VWA2: variants seen among roughly 807,000 people sequenced by gnomAD.
VWA2 encodes the protein von Willebrand factor A domain-containing protein 2.
In VWA2, 73 loss-of-function variants were observed where a neutral mutation model predicts 70.4. That is an observed-to-expected ratio of 1.04 (90% CI 0.86 to 1.26). The LOEUF is 1.26. VWA2 is among the 50% of genes most tolerant of loss of function. The pLI, the probability that VWA2 is intolerant of heterozygous loss-of-function variation, is 0.00. For synonymous variants in VWA2, 407 were observed against 423.3 expected, an observed-to-expected ratio of 0.96 and a Z score of 0.47; for missense variants, 1,011 against 998.5, an observed-to-expected ratio of 1.01 and a Z score of -0.17.
In VWA2 at chr10:114,254,891, ATCTG is replaced by A. The variant is rs2037288419; in HGVS notation, c.128-17_128-14del. On this transcript the variant is annotated intron_variant, in intron 3 of 13. Transcript: ENST00000392982. ...TGAGACCGACTTGCTCCTGGTTGTC[ATCTG>A]TCTGTCCCGCTCTCCCTAGTGATGT... The A allele has an allele frequency of 3.1e-6, 5 of 1,603,990 alleles. No homozygotes were observed. Among genetic ancestry groups the A allele is most frequent in the Non-Finnish European group, 4.3e-6 (5 of 1,172,226 alleles).
chr10:114,273,010 G>A (rs896504439), intron 6 of VWA2, 76 bp downstream of exon 6: 6 of 1,362,180 alleles, frequency 4.4e-6, no homozygotes, highest in African/African-American at 1.5e-5. Flanking sequence ...GGGAGGGAAG[G>A]GAGGGGACTG....
intron 4 of VWA2, among the ~76,000 whole-genome samples, chr10:114,260,120 G>A (rs1295526917): frequency 6.6e-6 from 1 of 152,226 alleles, no homozygotes; most frequent in Non-Finnish European, 1.5e-5. Context: ...TTTGAGAATA[G>A]TTACAGAGAA....
chr10:114,254,869 G>A (rs767043631), intron 3 of VWA2, 46 bp from the exon 4 acceptor site: 97 of 1,597,878 alleles, frequency 6.1e-5, no homozygotes, highest in Non-Finnish European at 8.2e-5. Flanking sequence ...TCAGAAGTGA[G>A]ACCGACTTGC....
intron 5 of VWA2, among the ~76,000 whole-genome samples, chr10:114,263,885 A>G (rs773456411): frequency 2.0e-5 from 3 of 152,208 alleles, no homozygotes; most frequent in Non-Finnish European, 4.4e-5. Flanking sequence ...AAGATAGACA[A>G]ATGGCCAATA....
At chr10:114,255,151 G>T (rs1221045375) in intron 4 of VWA2, 103 bp downstream of exon 4, 4 of 1,437,116 alleles carry the variant, frequency 2.8e-6, no homozygotes, top group Non-Finnish European at 3.8e-6. Context: ...TGTGGAGCTG[G>T]GAAGACCAAG....
rs1564721767 is a variant in VWA2 at position 114,265,526 on chromosome 10, G to A, written c.371+4231G>A. ...ATATTGAGGCTAAGAAGAAACAGGG[G>A]CCCTGGCCAGGATCAGTGGGTTACA... On this transcript the variant is annotated intron_variant, in intron 5 of 13. Coordinates refer to ENST00000392982, the MANE Select transcript of VWA2 (RefSeq NM_001272046.2). Among the ~76,000 whole-genome samples the A allele has an allele frequency of 2.6e-5, 4 of 152,122 alleles. No individual in the cohort carries two copies. The South Asian group carries it at 8.3e-4, about 32-fold the overall frequency.
chr10:114,278,941 A>T, intron 8 of VWA2, 90 bp downstream of exon 8: 1 of 1,563,570 alleles, frequency 6.4e-7, no homozygotes, highest in East Asian at 2.3e-5. Context: ...GGGCCCTGCC[A>T]TGGAGATTGT....
intron 5 of VWA2, among the ~76,000 whole-genome samples, chr10:114,270,857 C>T (rs895278568): frequency 6.6e-6 from 1 of 152,128 alleles, no homozygotes; most frequent in African/African-American, 2.4e-5. Flanking sequence ...AGCCCATTGC[C>T]CAAGCCAAGC....
rs190933503 is a variant in VWA2 at position 114,254,864 on chromosome 10, A to C, written c.128-51A>C. 57 of 1,595,878 alleles carry C rather than the reference A, an allele frequency of 3.6e-5. No homozygotes were observed. In the East Asian group the frequency reaches 1.2e-3, roughly 35 times the overall value. On this transcript the variant is annotated intron_variant, in intron 3 of 13. Coordinates refer to ENST00000392982, the MANE Select transcript of VWA2 (RefSeq NM_001272046.2). ...GTTTGTGCCTTCACTCTGCTTCAGA[A>C]GTGAGACCGACTTGCTCCTGGTTGT... is the stretch of plus-strand genomic sequence containing the variant.
chr10:114,261,305 A>G lies in VWA2; in HGVS notation c.371+10A>G, dbSNP rs757473735. On this transcript the variant is annotated intron_variant, in intron 5 of 13. Transcript: ENST00000392982. ...AGAGGATGGTTTTCAAGTATGTATG[A>G]TCAGATACTGCTGTGGTTAGGGTGA... is the stretch of plus-strand genomic sequence containing the variant. The G allele has an allele frequency of 6.2e-7, 1 of 1,603,878 alleles. No individual in the cohort carries two copies.
chr10:114,269,102 G>A (rs1046256537), intron 5 of VWA2, among the ~76,000 whole-genome samples: 1 of 152,202 alleles, frequency 6.6e-6, no homozygotes, highest in Admixed American at 6.5e-5. Flanking sequence ...GTTTTCTTGT[G>A]GTAACCCTTA....
chr10:114,262,108 C>T (rs2133330745), intron 5 of VWA2, among the ~76,000 whole-genome samples: 1 of 152,242 alleles, frequency 6.6e-6, no homozygotes, highest in Non-Finnish European at 1.5e-5. Context: ...ACAACTTGTA[C>T]TAGGCCCCAC....
intron 5 of VWA2, among the ~76,000 whole-genome samples, chr10:114,266,929 CT>C (rs1234890512): frequency 6.6e-6 from 1 of 151,918 alleles, no homozygotes; most frequent in African/African-American, 2.4e-5. Context: ...TTGGTATGTG[CT>C]TTTACATAAA....
At chr10:114,262,707 T>C (rs2037471044) in intron 5 of VWA2, among the ~76,000 whole-genome samples, 1 of 152,230 alleles carries the variant, frequency 6.6e-6, no homozygotes, top group Non-Finnish European at 1.5e-5. Context: ...AATGTCCTAG[T>C]AACCCTCACT....
At chr10:114,239,675 C>T (rs975937755) in intron 1 of VWA2, 106 bp downstream of exon 1, 2 of 152,324 alleles carry the variant, frequency 1.3e-5, no homozygotes, top group African/African-American at 2.4e-5. Context: ...GCCCAGCCAC[C>T]CCTACCCAGA....
At chr10:114,243,046 T>A (rs1365533699) in intron 1 of VWA2, among the ~76,000 whole-genome samples, 1 of 152,174 alleles carries the variant, frequency 6.6e-6, no homozygotes, top group Non-Finnish European at 1.5e-5. Flanking sequence ...CTGTGTGTGT[T>A]CTCCCACACC....
chr10:114,277,462 G>A (rs1030911461), intron 6 of VWA2, among the ~76,000 whole-genome samples: 1 of 152,078 alleles, frequency 6.6e-6, no homozygotes, highest in African/African-American at 2.4e-5. Context: ...GGGATTAGGC[G>A]TGAGCCACCA....
Position 114,286,069 on chromosome 10 carries a change from G to GCGT in VWA2, c.1128_1129insCGT (p.Glu376_Asp377insArg). 1 of 1,614,200 alleles carries GCGT rather than the reference G, an allele frequency of 6.2e-7. No homozygotes were observed. Among genetic ancestry groups the GCGT allele is most frequent in the Non-Finnish European group, 8.5e-7 (1 of 1,180,042 alleles). Reference sequence around the variant, plus strand: ...GGTTTGTGCGGGCCGTGCTGAGCGAGGACTCTCGGGCCCGAGTGGGTGTGG... The same window carrying GCGT: ...GGTTTGTGCGGGCCGTGCTGAGCGAGCGTGACTCTCGGGCCCGAGTGGGTGTGG... On this transcript the variant is annotated inframe_insertion, in exon 11 of 14. Coordinates refer to ENST00000392982, the MANE Select transcript of VWA2 (RefSeq NM_001272046.2).
rs770132926 is a variant in VWA2 at position 114,286,244 on chromosome 10, G to A, written c.1303G>A (p.Gly435Arg). 7.6e-5 allele frequency: 122 copies of A among 1,612,908 alleles called. No homozygotes were observed. Among genetic ancestry groups the A allele is most frequent in the South Asian group, 1.2e-4 (11 of 90,920 alleles). Residue 435 changes from glycine (G) to arginine (R), a missense_variant, in exon 11 of 14, where the codon GGG becomes AGG. By Grantham distance (125) the Gly-to-Arg change is moderately radical. Transcript: ENST00000392982. ...ALRQAAERGF[G>R]SATRTGQDRP... ...GCGGCAGGCGGCAGAGCGTGGCTTC[G>A]GGAGCGCCACCAGGACAGGCCAGGA...
Sources: gnomAD v4.1 joint callset for allele counts (sites outside exome capture counted in the v4.1 genomes callset) on GRCh38, gnomAD v4.1.1 for gene constraint, MANE v1.5 for transcripts, NCBI Gene and HGNC (gene_info 2026-07-23, HGNC 2026-07-21) for gene names.